Variants in SUMF1 observed in about 807,000 individuals in gnomAD.
The protein encoded by SUMF1 is formylglycine-generating enzyme.
Under a neutral mutation model 47.6 loss-of-function variants are expected in SUMF1, and 48 were observed. That is an observed-to-expected ratio of 1.01 (90% CI 0.80 to 1.28). The LOEUF (loss-of-function observed/expected upper bound fraction) is 1.28. SUMF1 is among the 50% of genes most tolerant of loss of function. The probability of loss-of-function intolerance (pLI) is 0.00; values close to 1 mark genes in which losing one functional copy is unlikely to be tolerated. For missense variants in SUMF1, 571 were observed against 485.4 expected, an observed-to-expected ratio of 1.18 and a Z score of -1.66; for synonymous variants, 230 against 192.1, an observed-to-expected ratio of 1.20 and a Z score of -1.63.
chr3:4,368,711 T>G (rs1700068786), intron 8 of SUMF1, among the ~76,000 whole-genome samples: 1 of 152,150 alleles, frequency 6.6e-6, no homozygotes, highest in Admixed American at 6.5e-5. Context: ...CTTGTACACT[T>G]GCATAAACAT....
intron 8 of SUMF1, among the ~76,000 whole-genome samples, chr3:4,284,014 G>T (rs112405132): frequency 6.6e-6 from 1 of 152,058 alleles, no homozygotes; most frequent in African/African-American, 2.4e-5. Flanking sequence ...CATCACCTTG[G>T]GGGTTAGGAT....
intron 8 of SUMF1, among the ~76,000 whole-genome samples, chr3:4,091,987 C>T (rs891086302): frequency 6.6e-6 from 1 of 151,962 alleles, no homozygotes; most frequent in African/African-American, 2.4e-5. Context: ...ATCCAGTTAT[C>T]ACCTCTTCTC....
At chr3:4,312,180 T>C (rs1017480305) in intron 8 of SUMF1, among the ~76,000 whole-genome samples, 1 of 152,196 alleles carries the variant, frequency 6.6e-6, no homozygotes, top group African/African-American at 2.4e-5. Context: ...AATTGACTTG[T>C]CATCTATGAC....
At chr3:4,289,794 C>A (rs1203991021) in intron 8 of SUMF1, among the ~76,000 whole-genome samples, 1 of 149,612 alleles carries the variant, frequency 6.7e-6, no homozygotes, top group Admixed American at 6.6e-5. Context: ...GCACCTAGCA[C>A]AATGGCCAAC....
intron 8 of SUMF1, among the ~76,000 whole-genome samples, chr3:4,070,976 A>G (rs1574856601): frequency 6.6e-6 from 1 of 152,196 alleles, no homozygotes; most frequent in East Asian, 1.9e-4. Flanking sequence ...AGGCAGAGAT[A>G]TTGGTAGACT....
chr3:4,036,707 A>G (rs114576097), intron 9 of SUMF1, among the ~76,000 whole-genome samples: 4,037 of 152,004 alleles, frequency 0.027, 83 homozygotes, highest in Non-Finnish European at 0.04. Flanking sequence ...CTAACATGAT[A>G]ATCTATTCTG....
At chr3:4,190,450 G>A (rs1164432148) in intron 8 of SUMF1, among the ~76,000 whole-genome samples, 1 of 142,960 alleles carries the variant, frequency 7.0e-6, no homozygotes, top group African/African-American at 3.0e-5. Context: ...TATCACATGG[G>A]GCATCTCAGT....
At chr3:4,276,684 T>G (rs1401416897) in intron 8 of SUMF1, among the ~76,000 whole-genome samples, 1 of 152,154 alleles carries the variant, frequency 6.6e-6, no homozygotes, top group Non-Finnish European at 1.5e-5. Flanking sequence ...TTTTCTATGG[T>G]TCTTGGGAAC....
intron 8 of SUMF1, among the ~76,000 whole-genome samples, chr3:4,333,470 C>T (rs1699088073): frequency 6.6e-6 from 1 of 152,098 alleles, no homozygotes; most frequent in African/African-American, 2.4e-5. Context: ...TTTTTAGGGC[C>T]TAATATTTAA....
At chr3:4,290,667 T>C (rs759774708) in intron 8 of SUMF1, among the ~76,000 whole-genome samples, 2 of 152,172 alleles carry the variant, frequency 1.3e-5, no homozygotes, top group Non-Finnish European at 2.9e-5. Flanking sequence ...ATCAAACTTA[T>C]CTCTTCTCTA....
intron 8 of SUMF1, among the ~76,000 whole-genome samples, chr3:4,252,147 T>C (rs1696816845): frequency 3.3e-5 from 5 of 152,166 alleles, no homozygotes; most frequent in Admixed American, 2.6e-4. Flanking sequence ...ACTGCACAAA[T>C]CAGCAATGGT....
At chr3:4,093,152 A>T (rs996910172) in intron 8 of SUMF1, among the ~76,000 whole-genome samples, 4 of 152,122 alleles carry the variant, frequency 2.6e-5, no homozygotes, top group Non-Finnish European at 5.9e-5. Flanking sequence ...TATAAAATGG[A>T]GATATTTAGA....
intron 8 of SUMF1, among the ~76,000 whole-genome samples, chr3:4,148,577 A>T (rs1694247528): frequency 6.6e-6 from 1 of 152,190 alleles, no homozygotes. Context: ...GATGGACAGG[A>T]CAATAAATAT....
At chr3:4,284,455 G>GGAGGAA (rs1389157840) in intron 8 of SUMF1, among the ~76,000 whole-genome samples, 1 of 142,490 alleles carries the variant, frequency 7.0e-6, no homozygotes, top group Admixed American at 7.1e-5. Flanking sequence ...AGGAGGAGGA[G>GGAGGAA]GAGGAGGAGG....
intron 8 of SUMF1, among the ~76,000 whole-genome samples, chr3:4,113,352 C>G (rs1430968088): frequency 6.6e-6 from 1 of 151,910 alleles, no homozygotes; most frequent in Admixed American, 6.6e-5. Flanking sequence ...TATAGCAAGA[C>G]CTTGTCTCTA....
chr3:4,351,159 A>T (rs1267261306), intron 8 of SUMF1, among the ~76,000 whole-genome samples: 1 of 152,248 alleles, frequency 6.6e-6, no homozygotes, highest in East Asian at 1.9e-4. Context: ...TCCTGAAGCA[A>T]ATAGTTTTAT....
chr3:4,462,990 G>T (rs2079853284), intron 1 of SUMF1, among the ~76,000 whole-genome samples: 4 of 152,162 alleles, frequency 2.6e-5, no homozygotes, highest in African/African-American at 9.7e-5. Flanking sequence ...TACAGCAAAA[G>T]AATACTTTAC....
chr3:4,232,481 A>G (rs1347900554), intron 8 of SUMF1, among the ~76,000 whole-genome samples: 3 of 152,072 alleles, frequency 2.0e-5, no homozygotes, highest in Non-Finnish European at 2.9e-5. Flanking sequence ...GATTCCATAG[A>G]GAGACAAGCA....
chr3:4,162,854 G>A (rs74780549), intron 8 of SUMF1, among the ~76,000 whole-genome samples: 2,830 of 151,852 alleles, frequency 0.019, 87 homozygotes, highest in African/African-American at 0.065. Context: ...TTCCTGTTGC[G>A]GGGACAATCA....
Sources: allele counts gnomAD v4.1 joint callset (sites outside exome capture counted in the v4.1 genomes callset), GRCh38; gene constraint gnomAD v4.1.1; transcripts MANE v1.5; gene names NCBI Gene and HGNC (gene_info 2026-07-23, HGNC 2026-07-21).